Variants in TENM1 observed in about 807,000 individuals in gnomAD.
The protein encoded by TENM1 is teneurin-1.
In TENM1, 35 loss-of-function variants were observed where a neutral mutation model predicts 174.8. The ratio of observed to expected loss-of-function variants is 0.20; its 90% confidence interval spans 0.15 to 0.27. TENM1 has a LOEUF of 0.27. Among genes scored for constraint, TENM1 ranks in the 10% least tolerant of loss-of-function variants. The pLI is 1.00. For missense variants in TENM1, 1,633 were observed against 2,130.1 expected (o/e 0.77, Z 4.59); for synonymous variants, 781 against 798.7 (o/e 0.98, Z 0.37).
chrX:124,877,981 C>A (rs1338125198), intron 3 of TENM1, among the ~76,000 whole-genome samples: 1 of 111,152 alleles, frequency 9.0e-6, no homozygotes, highest in Non-Finnish European at 1.9e-5. Context: ...GGAAGTGAAT[C>A]ATCATAAAGG....
At chrX:124,638,576 C>T (rs1282508737) in intron 11 of TENM1, among the ~76,000 whole-genome samples, 2 of 111,194 alleles carry the variant, frequency 1.8e-5, no homozygotes, top group Admixed American at 1.9e-4. Context: ...TGTTGGTGTT[C>T]TCTAGGGTTC....
At chrX:124,998,438 G>A in the TENM1 span, among the ~76,000 whole-genome samples, 1,262 of 105,168 alleles carry the variant, frequency 0.012, 19 homozygotes, top group African/African-American at 0.042. Flanking sequence ...TATAAAATTC[G>A]ACAACAGCAT....
At chrX:124,620,209 G>A (rs760773469) in intron 11 of TENM1, among the ~76,000 whole-genome samples, 1 of 111,586 alleles carries the variant, frequency 9.0e-6, no homozygotes, top group African/African-American at 3.3e-5. Flanking sequence ...AGCTTTTCAA[G>A]TACTTGAAGA....
chrX:124,628,644 C>G (rs1251208658), intron 11 of TENM1, among the ~76,000 whole-genome samples: 1 of 111,248 alleles, frequency 9.0e-6, no homozygotes, highest in African/African-American at 3.3e-5. Context: ...ATGAGTTTGT[C>G]TATCTTGAGG....
chrX:124,883,059 TA>T (rs1335060790), intron 3 of TENM1, among the ~76,000 whole-genome samples: 2 of 112,249 alleles, frequency 1.8e-5, no homozygotes, highest in African/African-American at 3.2e-5. Flanking sequence ...TTTCATAAAT[TA>T]TTTTTTCATT....
At chrX:125,113,259 G>A in the TENM1 span, among the ~76,000 whole-genome samples, 1 of 111,298 alleles carries the variant, frequency 9.0e-6, no homozygotes, top group Non-Finnish European at 1.9e-5. Flanking sequence ...AGGCCTAAAT[G>A]TAAAAGCTAA....
chrX:125,137,011 G>A, the TENM1 span, among the ~76,000 whole-genome samples: 2 of 110,679 alleles, frequency 1.8e-5, no homozygotes. Context: ...ATTGGAGTCA[G>A]ACAGACCCGA....
chrX:124,680,727 C>T lies in TENM1; in HGVS notation c.1016-8892G>A, dbSNP rs185664101. 3.2e-3 allele frequency among the ~76,000 whole-genome samples: 358 copies of T among 111,518 alleles called. 2 individuals carry two copies. Among genetic ancestry groups the T allele is most frequent in the African/African-American group, 0.011 (333 of 30,872 alleles). On this transcript the variant is annotated intron_variant, in intron 5 of 31. Transcript: ENST00000422452. ...ATATAAATTTAGACATGAATCAGTA[C>T]TTTTAATTCTTCTTTAAAATTTTAT...
the TENM1 span, among the ~76,000 whole-genome samples, chrX:125,153,821 C>T: frequency 3.6e-5 from 4 of 112,355 alleles, no homozygotes; most frequent in African/African-American, 1.3e-4. Context: ...ACACACGTTT[C>T]CCAGCAATGA....
intron 3 of TENM1, among the ~76,000 whole-genome samples, chrX:124,879,100 G>A (rs2057259429): frequency 8.9e-6 from 1 of 112,044 alleles, no homozygotes; most frequent in African/African-American, 3.2e-5. Flanking sequence ...CCATCATGTT[G>A]AGTATTTATC....
chrX:124,817,401 ATT>A (rs2055925688), intron 3 of TENM1, among the ~76,000 whole-genome samples: 1 of 112,007 alleles, frequency 8.9e-6, no homozygotes, highest in African/African-American at 3.2e-5. Flanking sequence ...TTCAAACAAT[ATT>A]CTTTTACTTG....
chrX:124,873,273 A>G (rs2057141438), intron 3 of TENM1, among the ~76,000 whole-genome samples: 1 of 111,468 alleles, frequency 9.0e-6, no homozygotes, highest in Non-Finnish European at 1.9e-5. Flanking sequence ...ACAGCCACTT[A>G]CTTCCTCTCC....
intron 4 of TENM1, among the ~76,000 whole-genome samples, chrX:124,727,110 T>C (rs1227632360): frequency 1.8e-5 from 2 of 112,267 alleles, no homozygotes; most frequent in Admixed American, 9.4e-5. Flanking sequence ...GCTGCAGCCA[T>C]CTGTCAGAAT....
intron 3 of TENM1, among the ~76,000 whole-genome samples, chrX:124,813,532 T>C (rs983144582): frequency 4.5e-5 from 5 of 111,960 alleles, no homozygotes; most frequent in African/African-American, 1.6e-4. Flanking sequence ...AACAAATCAA[T>C]GAAGCCAACT....
intron 20 of TENM1, 36 bp from the exon 24 acceptor site, chrX:124,487,265 A>G: frequency 1.7e-6 from 2 of 1,144,318 alleles, no homozygotes; most frequent in Non-Finnish European, 2.3e-6. Context: ...TGGCAAGCAA[A>G]AGCAAACAGA....
the TENM1 span, among the ~76,000 whole-genome samples, chrX:125,041,473 C>T: frequency 6.3e-5 from 7 of 111,256 alleles, no homozygotes; most frequent in Non-Finnish European, 1.1e-4. Flanking sequence ...ATCTATTTTC[C>T]TCATTGAACT....
intron 18 of TENM1, among the ~76,000 whole-genome samples, chrX:124,509,755 T>C (rs1324512096): frequency 9.6e-6 from 1 of 104,707 alleles, no homozygotes. Context: ...AGTTTCACTC[T>C]TGTTGCCCAG....
At chrX:124,490,274 A>C (rs919999986) in intron 20 of TENM1, among the ~76,000 whole-genome samples, 1 of 111,740 alleles carries the variant, frequency 8.9e-6, no homozygotes, top group Non-Finnish European at 1.9e-5. Context: ...CTGCTAATAC[A>C]TGAGATCAAA....
upstream of TENM1, among the ~76,000 whole-genome samples, chrX:124,965,042 A>T (rs2058707112): frequency 9.4e-6 from 1 of 106,090 alleles, no homozygotes; most frequent in Admixed American, 9.6e-5. Context: ...TCAAAGTATG[A>T]TGTAGGCTGA....
Sources: allele counts gnomAD v4.1 joint callset (sites outside exome capture counted in the v4.1 genomes callset), GRCh38; gene constraint gnomAD v4.1.1; transcripts MANE v1.5; gene names NCBI Gene and HGNC (gene_info 2026-07-23, HGNC 2026-07-21).